BAIAP2: variants seen among roughly 807,000 people sequenced by gnomAD.
BAIAP2 encodes the protein BAR/IMD domain containing adaptor protein 2.
In BAIAP2, 18 loss-of-function variants were observed where a neutral mutation model predicts 63.0. The ratio of observed to expected loss-of-function variants is 0.29; its 90% CI spans 0.20 to 0.42. BAIAP2 has a LOEUF of 0.42. BAIAP2 is among the 10% of genes least tolerant of loss of function. The pLI, the probability that BAIAP2 is intolerant of heterozygous loss-of-function variation, is 1.00. For synonymous variants in BAIAP2, 386 were observed against 307.6 expected, an observed-to-expected ratio of 1.25 and a Z score of -2.67; for missense variants, 610 against 734.3, an observed-to-expected ratio of 0.83 and a Z score of 1.96.
chr17:81,060,854 G>A (rs548959658), intron 3 of BAIAP2, among the ~76,000 whole-genome samples: 73 of 152,288 alleles, frequency 4.8e-4, no homozygotes, highest in African/African-American at 1.7e-3. Flanking sequence ...CGGGCGCGGT[G>A]GCTCACACCT....
intron 3 of BAIAP2, among the ~76,000 whole-genome samples, chr17:81,071,837 A>T (rs1162118869): frequency 2.0e-5 from 3 of 152,222 alleles, no homozygotes; most frequent in Non-Finnish European, 4.4e-5. Context: ...AGCAGTTCCC[A>T]CGCCAAGTAG....
rs777059429 is a variant in BAIAP2, at chr17:81,099,945, C to T, written c.507C>T (p.Ser169=). 1.2e-6 allele frequency: 2 copies of T among 1,613,374 alleles called. No individual in the cohort carries two copies. Among genetic ancestry groups the T allele is most frequent in the Non-Finnish European group, 1.7e-6 (2 of 1,179,860 alleles). Residue 169 remains serine, a synonymous_variant, in exon 7 of 14, where the codon AGC becomes AGT. Transcript: ENST00000428708. ...CTCCACAGTACATCGACGCCATCAG[C>T]AACAAGCAGGGCGAGCTGGAGAATT... The part of the protein sequence containing the change: ...DKELQYIDAI[S]NKQGELENYV...
intron 6 of BAIAP2, among the ~76,000 whole-genome samples, chr17:81,089,036 AC>A (rs2056241437): frequency 1.3e-5 from 2 of 152,286 alleles, no homozygotes; most frequent in South Asian, 4.1e-4. Context: ...CTGACCGCAC[AC>A]CTGGCCTCTG....
chr17:81,051,820 G>C (rs1157693472), intron 1 of BAIAP2, among the ~76,000 whole-genome samples: 2 of 152,282 alleles, frequency 1.3e-5, no homozygotes, highest in East Asian at 3.9e-4. Flanking sequence ...CTCCTGAGTA[G>C]CTGGGACTAC....
intron 3 of BAIAP2, among the ~76,000 whole-genome samples, chr17:81,075,558 G>C (rs187346597): frequency 6.6e-6 from 1 of 152,358 alleles, no homozygotes; most frequent in East Asian, 1.9e-4. Context: ...GGCTGTGTCA[G>C]AGCAGTGCCT....
intron 3 of BAIAP2, among the ~76,000 whole-genome samples, chr17:81,071,398 A>G (rs561130539): frequency 1.1e-4 from 17 of 152,144 alleles, no homozygotes; most frequent in Non-Finnish European, 1.8e-4. Flanking sequence ...GTGGGTGGTG[A>G]TGAGCTCTCG....
chr17:81,060,646 A>G (rs903701794), intron 3 of BAIAP2, among the ~76,000 whole-genome samples: 4 of 152,208 alleles, frequency 2.6e-5, no homozygotes. Flanking sequence ...GCATGCACCG[A>G]AACTGGAATT....
intron 13 of BAIAP2, chr17:81,108,740 C>T (rs1477816421): frequency 5.7e-6 from 5 of 877,462 alleles, no homozygotes; most frequent in Non-Finnish European, 8.5e-6. Context: ...CGGCCCCATC[C>T]ATCCCTGTCA....
At chr17:81,056,217 C>T (rs56960771) in intron 2 of BAIAP2, 41,236 of 152,098 alleles carry the variant, frequency 0.27, 5,985 homozygotes, top group East Asian at 0.39. Flanking sequence ...GCACAGCACA[C>T]GATGTCCAGA....
chr17:81,086,599 C>A lies in BAIAP2; in HGVS notation c.489+19C>A, dbSNP rs1460520891. ...GCTGCAGGTAGGCCCGCCACCCCCG[C>A]TGTGGTGCCTCTCCTGCCACCTTGG... On this transcript the variant is annotated intron_variant, in intron 6 of 13. Coordinates refer to ENST00000428708, the MANE Select transcript of BAIAP2 (RefSeq NM_001144888.2). 6.2e-7 allele frequency: 1 copy of A among 1,611,722 alleles called. No homozygotes were observed. The highest frequency in any genetic ancestry group is 2.2e-5 in the East Asian group (1 of 44,876).
intron 1 of BAIAP2, among the ~76,000 whole-genome samples, chr17:81,038,590 G>A (rs921453180): frequency 3.9e-5 from 6 of 152,264 alleles, no homozygotes; most frequent in Admixed American, 2.6e-4. Context: ...GGCCGCAGCC[G>A]TGCTTCGAGG....
intron 3 of BAIAP2, among the ~76,000 whole-genome samples, chr17:81,060,308 G>A (rs2050326758): frequency 6.6e-6 from 1 of 152,074 alleles, no homozygotes; most frequent in African/African-American, 2.4e-5. Context: ...AGCGTTTTTA[G>A]CACCCCAAAA....
At chr17:81,071,724 C>T (rs922847975) in intron 3 of BAIAP2, among the ~76,000 whole-genome samples, 1 of 152,260 alleles carries the variant, frequency 6.6e-6, no homozygotes, top group Non-Finnish European at 1.5e-5. Context: ...GCAGACTCAG[C>T]GCGGGGGTCG....
At chr17:81,078,330 G>A (rs1410352104) in intron 3 of BAIAP2, among the ~76,000 whole-genome samples, 3 of 148,038 alleles carry the variant, frequency 2.0e-5, no homozygotes, top group African/African-American at 7.6e-5. Flanking sequence ...TATTGGGTGG[G>A]AGCCGGGCGC....
chr17:81,113,111 C>T (rs1291141449), intron 13 of BAIAP2, among the ~76,000 whole-genome samples: 1 of 152,192 alleles, frequency 6.6e-6, no homozygotes, highest in Non-Finnish European at 1.5e-5. Context: ...TGCGGCCTTG[C>T]TTAGGGGCCT....
chr17:81,048,349 T>C (rs3935987), intron 1 of BAIAP2, among the ~76,000 whole-genome samples: 107,745 of 139,482 alleles, frequency 0.77, 41,146 homozygotes, highest in Middle Eastern at 0.83. Flanking sequence ...AGAGCAAGAC[T>C]CTGTCTCAAA....
At chr17:81,081,727 A>C (rs960778950) in intron 3 of BAIAP2, among the ~76,000 whole-genome samples, 1 of 151,808 alleles carries the variant, frequency 6.6e-6, no homozygotes, top group African/African-American at 2.4e-5. Flanking sequence ...CCCCCACCCC[A>C]CCCGTCTGTG....
chr17:81,086,813 G>A, intron 6 of BAIAP2: 1 of 534,430 alleles, frequency 1.9e-6, no homozygotes, highest in Non-Finnish European at 3.4e-6. Context: ...CAGGGTCACT[G>A]AAAGGTTCTT....
intron 3 of BAIAP2, among the ~76,000 whole-genome samples, chr17:81,078,601 C>A (rs935471951): frequency 2.1e-5 from 3 of 144,154 alleles, no homozygotes; most frequent in African/African-American, 7.8e-5. Context: ...GTGCGGGTGC[C>A]GTATTGGGTG....
Sources: gnomAD v4.1 joint callset for allele counts (sites outside exome capture counted in the v4.1 genomes callset) on GRCh38, gnomAD v4.1.1 for gene constraint, MANE v1.5 for transcripts, NCBI Gene and HGNC (gene_info 2026-07-23, HGNC 2026-07-21) for gene names.